Variants in STK32B observed in about 807,000 individuals in gnomAD.
The protein encoded by STK32B is serine/threonine kinase 32B.
In STK32B, 43 loss-of-function variants were observed where a neutral mutation model predicts 52.6. That is an observed-to-expected ratio of 0.82 (90% CI 0.64 to 1.05). The LOEUF is 1.05. Among genes scored for constraint, STK32B ranks in the 50% least tolerant of loss-of-function variants. The probability of loss-of-function intolerance (pLI) is 0.00; values close to 1 mark genes in which losing one functional copy is unlikely to be tolerated. For synonymous variants in STK32B, 238 were observed against 204.3 expected (o/e 1.17, Z -1.41); for missense variants, 621 against 534.6 (o/e 1.16, Z -1.59).
intron 1 of STK32B, among the ~76,000 whole-genome samples, chr4:5,069,012 G>A (rs560858411): frequency 1.9e-4 from 29 of 152,184 alleles, no homozygotes; most frequent in African/African-American, 7.0e-4. Context: ...TTAACCTTTT[G>A]TAGACCTTTA....
At chr4:5,448,022 T>C (rs918222511) in intron 7 of STK32B, among the ~76,000 whole-genome samples, 1 of 152,220 alleles carries the variant, frequency 6.6e-6, no homozygotes, top group Non-Finnish European at 1.5e-5. Context: ...GGGTGTCCCA[T>C]TGCATGGTTG....
At chr4:5,259,230 T>C (rs934016524) in intron 3 of STK32B, among the ~76,000 whole-genome samples, 1 of 152,274 alleles carries the variant, frequency 6.6e-6, no homozygotes, top group Admixed American at 6.5e-5. Context: ...TTTTATTTAC[T>C]GGCTACCTCA....
intron 3 of STK32B, among the ~76,000 whole-genome samples, chr4:5,219,811 G>C (rs2008242): frequency 0.66 from 101,045 of 152,128 alleles, 34,206 homozygotes; most frequent in East Asian, 0.76. Context: ...GTCAGCATAC[G>C]TTGGCCCTCA....
intron 11 of STK32B, among the ~76,000 whole-genome samples, chr4:5,498,643 A>G (rs1720482092): frequency 6.6e-6 from 1 of 152,254 alleles, no homozygotes; most frequent in East Asian, 1.9e-4. Context: ...AAAAATATAA[A>G]TATGTGATCT....
At chr4:5,028,535 C>T in the STK32B span, among the ~76,000 whole-genome samples, 1 of 152,216 alleles carries the variant, frequency 6.6e-6, no homozygotes, top group Admixed American at 6.5e-5. Flanking sequence ...TCCTTTTCTA[C>T]ATGCTCTATG....
intron 3 of STK32B, among the ~76,000 whole-genome samples, chr4:5,314,027 A>G (rs1730490016): frequency 6.6e-6 from 1 of 152,208 alleles, no homozygotes; most frequent in African/African-American, 2.4e-5. Flanking sequence ...TGCAATTGCT[A>G]TGAAAGTCCA....
intron 4 of STK32B, among the ~76,000 whole-genome samples, chr4:5,381,726 C>T (rs1014317557): frequency 2.0e-5 from 3 of 152,202 alleles, no homozygotes; most frequent in African/African-American, 7.2e-5. Flanking sequence ...ACCTTGCTCC[C>T]ACCCTGTGTC....
chr4:5,453,024 T>G lies in STK32B; in HGVS notation c.667-3783T>G, dbSNP rs1716146397. Among the ~76,000 whole-genome samples the G allele has an allele frequency of 6.6e-6, 1 of 152,120 alleles. No homozygotes were observed. The highest frequency in any genetic ancestry group is 1.5e-5 in the Non-Finnish European group (1 of 68,034). ...CAGTCATCTTATAAAAGAACCTACG[T>G]TTCTCTACAACCACTCAAACAGATG... On this transcript the variant is annotated intron_variant, in intron 7 of 11. Transcript: ENST00000282908. The surrounding 1 kb of genome is among the most constrained non-coding windows in gnomAD (Gnocchi z 4.0).
At chr4:5,057,983 G>T (rs960572119) in intron 1 of STK32B, among the ~76,000 whole-genome samples, 2 of 152,166 alleles carry the variant, frequency 1.3e-5, no homozygotes, top group Non-Finnish European at 2.9e-5. Flanking sequence ...CACTCTATTA[G>T]GCTGAGGTCA....
intron 3 of STK32B, among the ~76,000 whole-genome samples, chr4:5,323,395 G>A (rs1185895723): frequency 1.3e-5 from 2 of 151,712 alleles, no homozygotes; most frequent in Non-Finnish European, 2.9e-5. Flanking sequence ...CGAGGGGACT[G>A]TGCTGAGCAC....
At chr4:5,390,497 A>G (rs1736525921) in intron 4 of STK32B, among the ~76,000 whole-genome samples, 1 of 152,034 alleles carries the variant, frequency 6.6e-6, no homozygotes, top group Non-Finnish European at 1.5e-5. Context: ...TCATTTTTTC[A>G]TATTTTCAGT....
At chr4:5,473,909 G>A (rs1472044161) in intron 11 of STK32B, among the ~76,000 whole-genome samples, 1 of 152,164 alleles carries the variant, frequency 6.6e-6, no homozygotes, top group African/African-American at 2.4e-5. Flanking sequence ...GAGGTCAGGA[G>A]TTTGAGACCA....
chr4:5,442,937 C>T lies in STK32B; in HGVS notation c.563-3736C>T, dbSNP rs1296831285. On this transcript the variant is annotated intron_variant, in intron 6 of 11. Transcript: ENST00000282908. Reference sequence around the variant, plus strand: ...TAAGAATGTTGAATATTGGCCCCCACTCTCTTCTGGCTTGTAGGGTGTCTG... The same window carrying T: ...TAAGAATGTTGAATATTGGCCCCCATTCTCTTCTGGCTTGTAGGGTGTCTG... Among the ~76,000 whole-genome samples the T allele has an allele frequency of 2.0e-5, 3 of 151,956 alleles. No homozygotes were observed. In the East Asian group the frequency reaches 5.8e-4, roughly 29 times the overall value.
At chr4:5,236,038 T>A (rs1296568019) in intron 3 of STK32B, among the ~76,000 whole-genome samples, 1 of 151,644 alleles carries the variant, frequency 6.6e-6, no homozygotes, top group East Asian at 1.9e-4. Context: ...CAGGAGGGGG[T>A]GGGTGTCTGC....
the STK32B span, among the ~76,000 whole-genome samples, chr4:5,026,026 C>G: frequency 1.3e-5 from 2 of 152,220 alleles, no homozygotes; most frequent in Admixed American, 6.5e-5. Flanking sequence ...CTCCACGACT[C>G]CCTCCCAGTG....
chr4:5,059,136 C>T (rs1742124307), intron 1 of STK32B, among the ~76,000 whole-genome samples: 1 of 127,990 alleles, frequency 7.8e-6, no homozygotes, highest in Non-Finnish European at 1.5e-5. Flanking sequence ...TTCCTGTGTG[C>T]AAGCAATCCT....
At chr4:5,142,549 T>C (rs1716557642) in intron 2 of STK32B, among the ~76,000 whole-genome samples, 1 of 152,250 alleles carries the variant, frequency 6.6e-6, no homozygotes, top group Admixed American at 6.5e-5. Flanking sequence ...GTTGGGCATT[T>C]ATGTTGTCAA....
chr4:5,216,334 G>A (rs1483186962), intron 3 of STK32B, among the ~76,000 whole-genome samples: 9 of 152,120 alleles, frequency 5.9e-5, no homozygotes, highest in Non-Finnish European at 1.3e-4. Context: ...AGGGGCCAAG[G>A]ATGAAGAAAC....
intron 3 of STK32B, among the ~76,000 whole-genome samples, chr4:5,225,101 A>G (rs1486956855): frequency 6.6e-6 from 1 of 152,190 alleles, no homozygotes; most frequent in African/African-American, 2.4e-5. Flanking sequence ...TGTAGAATAT[A>G]TCTACCAATA....
Sources: gnomAD v4.1 joint callset for allele counts (sites outside exome capture counted in the v4.1 genomes callset) on GRCh38, gnomAD v4.1.1 for gene constraint, Gnocchi (gnomAD v3.1) non-coding constraint, MANE v1.5 for transcripts, NCBI Gene and HGNC (gene_info 2026-07-23, HGNC 2026-07-21) for gene names.